SYNDIG1: variants seen among roughly 807,000 people sequenced by gnomAD.
SYNDIG1 encodes the protein synapse differentiation inducing 1, also known as synapse differentiation-inducing gene protein 1.
In SYNDIG1, 9 loss-of-function variants were observed where a neutral mutation model predicts 19.4. That is an observed-to-expected ratio of 0.46 (90% CI 0.28 to 0.81). The LOEUF is 0.81. Among genes scored for constraint, SYNDIG1 ranks in the 30% least tolerant of loss-of-function variants. The pLI is 0.12. For missense variants in SYNDIG1, 311 were observed against 343.3 expected (o/e 0.91, Z 0.74); for synonymous variants, 141 against 145.9 (o/e 0.97, Z 0.24).
chr20:24,501,444 C>G (rs1257669452), intron 1 of SYNDIG1, among the ~76,000 whole-genome samples: 2 of 152,186 alleles, frequency 1.3e-5, no homozygotes, highest in Non-Finnish European at 2.9e-5. Flanking sequence ...TCGTTGATCA[C>G]CCTTCAAGCT....
rs148870588 is a variant in SYNDIG1 at position 24,620,307 on chromosome 20, C to T, written c.618+35314C>T. Among the ~76,000 whole-genome samples, 247 of 152,284 alleles carry T rather than the reference C, an allele frequency of 1.6e-3. 1 individual carries two copies. The highest frequency in any genetic ancestry group is 5.7e-3 in the African/African-American group (237 of 41,546). ...GCATGAGGATGGTTTGTCTCTGCAC[C>T]ATGATGTCTGGGACCTCAGCTAGGA... On this transcript the variant is annotated intron_variant, in intron 3 of 3. Transcript: ENST00000376862.
intron 1 of SYNDIG1, among the ~76,000 whole-genome samples, chr20:24,508,456 G>A: frequency 7.4e-6 from 1 of 134,342 alleles, no homozygotes; most frequent in East Asian, 2.2e-4. Flanking sequence ...GACCTCAAGT[G>A]ATCTGCCCGC....
At chr20:24,656,248 A>G (rs1488330043) in intron 3 of SYNDIG1, among the ~76,000 whole-genome samples, 3 of 152,200 alleles carry the variant, frequency 2.0e-5, no homozygotes, top group African/African-American at 7.2e-5. Flanking sequence ...ATCACATTTT[A>G]AAGAAGAATG....
intron 3 of SYNDIG1, among the ~76,000 whole-genome samples, chr20:24,637,741 C>G (rs1167718458): frequency 6.6e-6 from 1 of 152,212 alleles, no homozygotes; most frequent in Admixed American, 6.5e-5. Flanking sequence ...AAAAGGTGTA[C>G]AGGTGTCACC....
chr20:24,618,189 G>A (rs2147216504), intron 3 of SYNDIG1, among the ~76,000 whole-genome samples: 1 of 144,614 alleles, frequency 6.9e-6, no homozygotes, highest in Middle Eastern at 3.7e-3. Context: ...GGGGAAGGGG[G>A]AGAGCCTGGG....
At position 24,567,978 on chromosome 20, in the gene SYNDIG1, A is replaced by G. The variant is rs145985207; in HGVS notation, c.481-16878A>G. On this transcript the variant is annotated intron_variant, in intron 2 of 3. Transcript: ENST00000376862. ...GTGAAACCCTGTCTCTACTAAAAAT[A>G]TAAAAATTAGCCGGACATGATGGGT... 2.0e-4 allele frequency among the ~76,000 whole-genome samples: 31 copies of G among 152,334 alleles called. 1 individual carries two copies. The highest frequency in any genetic ancestry group is 7.0e-4 in the African/African-American group (29 of 41,574).
At chr20:24,528,694 AC>A (rs771306183) in intron 1 of SYNDIG1, among the ~76,000 whole-genome samples, 2 of 152,182 alleles carry the variant, frequency 1.3e-5, no homozygotes, top group Non-Finnish European at 2.9e-5. Context: ...TAATGCCATC[AC>A]CTCAGGAATT....
chr20:24,488,887 G>A (rs1341353194), intron 1 of SYNDIG1, among the ~76,000 whole-genome samples: 4 of 152,164 alleles, frequency 2.6e-5, no homozygotes, highest in East Asian at 1.9e-4. Flanking sequence ...AAAGGGACAC[G>A]CCTCGCTCCA....
intron 1 of SYNDIG1, among the ~76,000 whole-genome samples, chr20:24,476,187 T>G (rs891343625): frequency 1.6e-4 from 25 of 152,106 alleles, no homozygotes; most frequent in African/African-American, 6.0e-4. Context: ...TTAACAGTTT[T>G]TTTTCTTATA....
chr20:24,478,376 CA>C (rs2055695975), intron 1 of SYNDIG1, among the ~76,000 whole-genome samples: 1 of 152,208 alleles, frequency 6.6e-6, no homozygotes. Flanking sequence ...GCGAGCTCCC[CA>C]GATGCCTGTT....
intron 1 of SYNDIG1, among the ~76,000 whole-genome samples, chr20:24,485,953 T>C (rs2055945223): frequency 6.6e-6 from 1 of 152,222 alleles, no homozygotes; most frequent in Admixed American, 6.5e-5. Flanking sequence ...CCAAGCTTTG[T>C]CTCGTGGCCA....
chr20:24,585,056 G>GCGCCCC, intron 3 of SYNDIG1, 63 bp downstream of exon 3: 2 of 545,664 alleles, frequency 3.7e-6, no homozygotes, highest in Non-Finnish European at 6.9e-6. Context: ...GGTGGGGGCG[G>GCGCCCC]CAATCCCAGC....
At chr20:24,494,611 AC>A (rs539308028) in intron 1 of SYNDIG1, among the ~76,000 whole-genome samples, 371 of 151,464 alleles carry the variant, frequency 2.4e-3, no homozygotes, top group African/African-American at 8.7e-3. Flanking sequence ...CAGGGAACAG[AC>A]CCCCCCGGGA....
At chr20:24,584,385 C>T (rs569135629) in intron 2 of SYNDIG1, among the ~76,000 whole-genome samples, 1 of 152,356 alleles carries the variant, frequency 6.6e-6, no homozygotes, top group African/African-American at 2.4e-5. Flanking sequence ...AAGAAAAACG[C>T]GCCTGGACTA....
intron 3 of SYNDIG1, 85 bp downstream of exon 3, chr20:24,585,078 A>C: frequency 1.3e-6 from 2 of 1,518,718 alleles, no homozygotes; most frequent in Non-Finnish European, 1.8e-6. Flanking sequence ...GAGGAGGAGA[A>C]GCAAGGAAGC....
At chr20:24,548,250 A>T (rs561173750) in intron 2 of SYNDIG1, among the ~76,000 whole-genome samples, 55 of 152,266 alleles carry the variant, frequency 3.6e-4, no homozygotes, top group African/African-American at 1.3e-3. Context: ...CCTCATGATG[A>T]TGCTGTTCTT....
intron 2 of SYNDIG1, among the ~76,000 whole-genome samples, chr20:24,556,644 T>C (rs1170810920): frequency 1.3e-5 from 2 of 152,238 alleles, no homozygotes; most frequent in African/African-American, 4.8e-5. Context: ...CCCGCTGTCT[T>C]CTGGCTTGTA....
At chr20:24,572,027 G>T (rs956077870) in intron 2 of SYNDIG1, among the ~76,000 whole-genome samples, 6 of 152,148 alleles carry the variant, frequency 3.9e-5, no homozygotes, top group Admixed American at 1.3e-4. Context: ...AGGCCTCCCT[G>T]GTTCCTATTT....
chr20:24,625,689 T>C (rs9753718), intron 3 of SYNDIG1, among the ~76,000 whole-genome samples: 23,819 of 149,972 alleles, frequency 0.16, 1,261 homozygotes, highest in African/African-American at 0.23. Flanking sequence ...GGTAAGGTCA[T>C]AGATCAACAG....
Sources: gnomAD v4.1 joint callset for allele counts (sites outside exome capture counted in the v4.1 genomes callset) on GRCh38, gnomAD v4.1.1 for gene constraint, MANE v1.5 for transcripts, NCBI Gene and HGNC (gene_info 2026-07-23, HGNC 2026-07-21) for gene names.